The following API5 variants were observed in gnomAD, a reference collection of about 807,000 sequenced individuals.
The protein encoded by API5 is FIF.
Under a neutral mutation model 71.9 loss-of-function variants are expected in API5, and 6 were observed. That is an observed-to-expected ratio of 0.08 (90% CI 0.05 to 0.16). The LOEUF (loss-of-function observed/expected upper bound fraction) is 0.16, where lower values mean the gene tolerates loss of function less well. Ranked by LOEUF, API5 falls within the 10% of genes least tolerant of loss-of-function variation. API5 has a pLI of 1.00. For synonymous variants in API5, 189 were observed against 221.3 expected, an observed-to-expected ratio of 0.85 and a Z score of 1.30; for missense variants, 332 against 612.8, an observed-to-expected ratio of 0.54 and a Z score of 4.84.
chr11:43,336,969 CTG>C (rs1205082991), intron 13 of API5, among the ~76,000 whole-genome samples: 5 of 138,330 alleles, frequency 3.6e-5, no homozygotes, highest in Admixed American at 3.1e-4. Context: ...GATCGCACCA[CTG>C]TACTCCAGCC....
At chr11:43,335,236 A>C in intron 11 of API5, 42 bp from the exon 12 acceptor site, 2 of 1,449,644 alleles carry the variant, frequency 1.4e-6, no homozygotes, top group Non-Finnish European at 1.9e-6. Flanking sequence ...CCCTGCCACC[A>C]ACAAATACAT....
At chr11:43,320,346 T>C (rs572143029) in intron 2 of API5, among the ~76,000 whole-genome samples, 1 of 152,022 alleles carries the variant, frequency 6.6e-6, no homozygotes, top group East Asian at 1.9e-4. Context: ...GCCCGGCCAA[T>C]TGGAGCAAAT....
At position 43,327,743 on chromosome 11, in the gene API5, C is replaced by A. The variant is rs1243517953; in HGVS notation, c.856-46C>A. On this transcript the variant is annotated intron_variant, in intron 7 of 13. Coordinates refer to ENST00000531273, the MANE Select transcript of API5 (RefSeq NM_001142930.2). ...ATCTAGAATTACTCTCATTTCATAACCCTTGCTTATTCAAAAAAACAGTAA... is the reference window on the plus strand; with the variant it reads ...ATCTAGAATTACTCTCATTTCATAAACCTTGCTTATTCAAAAAAACAGTAA... The A allele has an allele frequency of 1.9e-5, 26 of 1,358,782 alleles. 1 individual carries two copies. The highest frequency in any genetic ancestry group is 2.7e-5 in the Non-Finnish European group (26 of 966,250). 84.2% of individuals were successfully genotyped at this position (1,358,782 alleles called of 1,614,324 possible). A position where few individuals can be genotyped will look rare whatever the true frequency, so the allele number is the denominator to read the frequency against.
At chr11:43,324,080 C>A (rs182983323) in intron 6 of API5, among the ~76,000 whole-genome samples, 1 of 151,964 alleles carries the variant, frequency 6.6e-6, no homozygotes, top group Non-Finnish European at 1.5e-5. Flanking sequence ...TGCAGTGGCA[C>A]GATCTTGGCT....
rs1375942502 is a variant in API5, at chr11:43,327,720, C to T, written c.856-69C>T. ...TGAAAATAAAGTCTTAAATCGTTAT[C>T]TAGAATTACTCTCATTTCATAACCC... is the stretch of plus-strand genomic sequence containing the variant. On this transcript the variant is annotated intron_variant, in intron 7 of 13. Transcript: ENST00000531273. 1.6e-5 allele frequency: 17 copies of T among 1,091,968 alleles called. No individual in the cohort carries two copies. The East Asian group carries it at 3.8e-4, about 24-fold the overall frequency. 67.6% of individuals were successfully genotyped at this position (1,091,968 alleles called of 1,614,324 possible).
At chr11:43,318,257 C>T (rs373129912) in intron 1 of API5, among the ~76,000 whole-genome samples, 1 of 152,304 alleles carries the variant, frequency 6.6e-6, no homozygotes, top group Non-Finnish European at 1.5e-5. Context: ...GATCCACCCA[C>T]CTTGGCCTCC....
chr11:43,321,061 T>TAAA, intron 3 of API5, 147 bp downstream of exon 3: 1 of 679,142 alleles, frequency 1.5e-6, no homozygotes, highest in Non-Finnish European at 2.5e-6. Flanking sequence ...ATTCAGTAGT[T>TAAA]AAAGTGTAAT....
At chr11:43,328,605 T>G in intron 8 of API5, 107 bp from the exon 9 acceptor site, 3 of 1,034,028 alleles carry the variant, frequency 2.9e-6, no homozygotes, top group Non-Finnish European at 4.2e-6. Context: ...TTTTGGTAGT[T>G]TTTAATGCTC....
At chr11:43,313,853 C>A (rs1565098410) in intron 1 of API5, among the ~76,000 whole-genome samples, 1 of 152,080 alleles carries the variant, frequency 6.6e-6, no homozygotes, top group Non-Finnish European at 1.5e-5. Flanking sequence ...CTTTAAGGGG[C>A]GTGGATGGGC....
intron 1 of API5, among the ~76,000 whole-genome samples, chr11:43,313,537 G>C: frequency 6.6e-6 from 1 of 151,656 alleles, no homozygotes; most frequent in East Asian, 1.9e-4. Flanking sequence ...TACCTTTCCC[G>C]TCCCCTTTTC....
rs116658317 is a variant in API5, at chr11:43,331,694, T to C, written c.1278+1130T>C. ...TCTGCGTATAAGTGAGACCATGTAG[T>C]CCAAATTCAAGTTGTACAAGGGTCA... On this transcript the variant is annotated intron_variant, in intron 11 of 13. Coordinates refer to ENST00000531273, the MANE Select transcript of API5 (RefSeq NM_001142930.2). 4.6e-3 allele frequency among the ~76,000 whole-genome samples: 702 copies of C among 152,204 alleles called. 1 individual carries two copies. The highest frequency in any genetic ancestry group is 0.016 in the African/African-American group (677 of 41,532).
chr11:43,336,179 G>A, intron 13 of API5, 185 bp downstream of exon 13: 1 of 742,894 alleles, frequency 1.3e-6, no homozygotes, highest in Non-Finnish European at 2.0e-6. Context: ...ACCCTTCTGG[G>A]CTGACTGTAT....
Position 43,342,863 on chromosome 11 carries a change from AG to A in API5, c.*354del, listed in dbSNP as rs1480139857. The A allele has an allele frequency of 7.4e-6, 4 of 540,170 alleles. No homozygotes were observed. 33.5% of individuals were successfully genotyped at this position (540,170 alleles called of 1,614,324 possible). On this transcript the variant is annotated 3_prime_UTR_variant, in exon 14 of 14. Transcript: ENST00000531273. ...TCTAGTTCTGCTGATAAAGATCATC[AG>A]TTTTGAAAGGTTACTGATTTTCCTC...
At chr11:43,320,758 A>G in intron 2 of API5, 63 bp from the exon 3 acceptor site, 1 of 1,339,402 alleles carries the variant, frequency 7.5e-7, no homozygotes, top group South Asian at 1.3e-5. Flanking sequence ...AAGAAAAGAA[A>G]AAGCTGTTTG....
At position 43,344,361 on chromosome 11, in the gene API5, C is replaced by G. The variant is rs886387263; in HGVS notation, c.*1851C>G. ...TGTTCCCTTATCCCTCACCCTTCCCCTTCCCTTTCCTAAGGCAATAGTGCA... is the reference window on the plus strand; with the variant it reads ...TGTTCCCTTATCCCTCACCCTTCCCGTTCCCTTTCCTAAGGCAATAGTGCA... On this transcript the variant is annotated 3_prime_UTR_variant, in exon 14 of 14. Transcript: ENST00000531273. 2.6e-5 allele frequency: 4 copies of G among 152,596 alleles called. No homozygotes were observed. The highest frequency in any genetic ancestry group is 4.8e-5 in the African/African-American group (2 of 41,422). The allele number at this position is 152,596 out of a possible 1,614,324, so 9.5% of individuals were successfully genotyped here.
chr11:43,340,240 A>G (rs1051539229), intron 13 of API5: 8 of 357,404 alleles, frequency 2.2e-5, no homozygotes, highest in African/African-American at 1.8e-4. Context: ...AAATATTTCT[A>G]TACAAGGAAA....
intron 1 of API5, among the ~76,000 whole-genome samples, chr11:43,316,136 A>G (rs1854661377): frequency 6.6e-6 from 1 of 151,826 alleles, no homozygotes; most frequent in African/African-American, 2.4e-5. Context: ...GGTTTTTTGT[A>G]TGATTAAGCT....
rs553588205 is a variant in API5 at position 43,312,063 on chromosome 11, C to G, written c.-65C>G. Reference sequence around the variant, plus strand: ...GCGGGTAGTGGGTTTGGAGAAGTTCCGAGGCGGCGGTGGCGCCGGTCAGGA... The same window carrying G: ...GCGGGTAGTGGGTTTGGAGAAGTTCGGAGGCGGCGGTGGCGCCGGTCAGGA... On this transcript the variant is annotated 5_prime_UTR_variant, in exon 1 of 14. Coordinates refer to ENST00000531273, the MANE Select transcript of API5 (RefSeq NM_001142930.2). The G allele has an allele frequency of 4.4e-6, 7 of 1,580,894 alleles. No homozygotes were observed. The South Asian group carries it at 5.6e-5, about 13-fold the overall frequency.
chr11:43,344,525 ATTTTG>A (rs1334195004), exon 14 of API5: 12 of 152,406 alleles, frequency 7.9e-5, no homozygotes, highest in Non-Finnish European at 1.6e-4. Context: ...TCCTTTTGTA[ATTTTG>A]TTTTGTGTCT....
Sources: gnomAD v4.1 joint callset for allele counts (sites outside exome capture counted in the v4.1 genomes callset) on GRCh38, gnomAD v4.1.1 for gene constraint, MANE v1.5 for transcripts, NCBI Gene and HGNC (gene_info 2026-07-23, HGNC 2026-07-21) for gene names.